The following RIGI variants were observed in gnomAD, a reference collection of about 807,000 sequenced individuals.
RIGI encodes the protein RNA sensor RIG-I.
the RIGI span, chr9:32,501,061 T>C: frequency 2.7e-5 from 34 of 1,236,490 alleles, no homozygotes; most frequent in Admixed American, 7.7e-4. Flanking sequence ...GTCACAGCAT[T>C]GGAAGAATCT....
the RIGI span, among the ~76,000 whole-genome samples, chr9:32,459,797 C>A: frequency 1.3e-5 from 2 of 152,114 alleles, no homozygotes; most frequent in Non-Finnish European, 2.9e-5. Flanking sequence ...GTCATATGAA[C>A]TATGCTTTCT....
the RIGI span, among the ~76,000 whole-genome samples, chr9:32,507,719 C>G: frequency 1.3e-5 from 2 of 151,816 alleles, no homozygotes; most frequent in Non-Finnish European, 2.9e-5. Context: ...GATCATAGCT[C>G]ACCATAGGCT....
At chr9:32,489,239 G>C in the RIGI span, 3 of 705,302 alleles carry the variant, frequency 4.3e-6, no homozygotes, top group Non-Finnish European at 6.9e-6. Flanking sequence ...AAAGACACAT[G>C]GAACAAGGAA....
the RIGI span, among the ~76,000 whole-genome samples, chr9:32,483,761 C>G: frequency 6.6e-6 from 1 of 151,862 alleles, no homozygotes; most frequent in African/African-American, 2.4e-5. Flanking sequence ...CCTCTGCTTG[C>G]TTTTGCTTCT....
the RIGI span, among the ~76,000 whole-genome samples, chr9:32,473,426 A>G: frequency 0.024 from 3,572 of 151,308 alleles, 155 homozygotes; most frequent in African/African-American, 0.083. Flanking sequence ...AGCTGGGATT[A>G]CAGGCATCAG....
chr9:32,458,287 A>T, the RIGI span, among the ~76,000 whole-genome samples: 30 of 152,346 alleles, frequency 2.0e-4, no homozygotes, highest in African/African-American at 6.5e-4. Context: ...CAGATGTCAC[A>T]TTTTACAAAT....
the RIGI span, among the ~76,000 whole-genome samples, chr9:32,471,916 A>T: frequency 6.6e-6 from 1 of 152,124 alleles, no homozygotes; most frequent in Admixed American, 6.5e-5. Context: ...ACATGAAGGG[A>T]AAGTGCGAGG....
chr9:32,500,760 G>C, the RIGI span: 1 of 1,588,842 alleles, frequency 6.3e-7, no homozygotes, highest in Non-Finnish European at 8.6e-7. Context: ...TTGTCAAGCA[G>C]CAAAGTAATA....
the RIGI span, chr9:32,493,942 C>T: frequency 6.4e-7 from 1 of 1,573,116 alleles, no homozygotes; most frequent in East Asian, 2.3e-5. Flanking sequence ...TCCAGAATAA[C>T]CTGAAAAAAA....
the RIGI span, among the ~76,000 whole-genome samples, chr9:32,517,605 T>G: frequency 2.0e-5 from 3 of 152,236 alleles, no homozygotes; most frequent in African/African-American, 7.2e-5. Context: ...GCTTTATATT[T>G]GTCTCAGCTA....
At chr9:32,508,535 G>C in the RIGI span, among the ~76,000 whole-genome samples, 1 of 151,974 alleles carries the variant, frequency 6.6e-6, no homozygotes, top group African/African-American at 2.4e-5. Flanking sequence ...AAGCCATGAG[G>C]GACTGTGCCA....
the RIGI span, among the ~76,000 whole-genome samples, chr9:32,469,300 A>G: frequency 1.3e-5 from 2 of 152,122 alleles, no homozygotes; most frequent in African/African-American, 4.8e-5. Flanking sequence ...ATTAGATTAC[A>G]CTGATTTATA....
At chr9:32,501,290 G>C in the RIGI span, among the ~76,000 whole-genome samples, 1 of 146,232 alleles carries the variant, frequency 6.8e-6, no homozygotes, top group Non-Finnish European at 1.5e-5. Context: ...CAAAGTACTG[G>C]GATTACAGGT....
the RIGI span, among the ~76,000 whole-genome samples, chr9:32,499,122 T>C: frequency 1.1e-4 from 17 of 152,126 alleles, no homozygotes; most frequent in African/African-American, 3.9e-4. Context: ...AAATTCCTAA[T>C]TGGGCTGAGA....
At chr9:32,498,902 G>A in the RIGI span, among the ~76,000 whole-genome samples, 159 of 147,838 alleles carry the variant, frequency 1.1e-3, 1 homozygote, top group African/African-American at 3.8e-3. Flanking sequence ...AAAATAGCTC[G>A]AACCCGGGAG....
chr9:32,485,531 C>CTTTT, the RIGI span: 5,603 of 321,840 alleles, frequency 0.017, 3 homozygotes, highest in East Asian at 0.024. Context: ...TAACTAGCTT[C>CTTTT]TTTTTTTTTT....
At chr9:32,488,237 A>G in the RIGI span, 1 of 1,603,018 alleles carries the variant, frequency 6.2e-7, no homozygotes, top group Non-Finnish European at 8.5e-7. Flanking sequence ...ATTACTAACC[A>G]CGATGTGGAT....
chr9:32,488,359 G>C, the RIGI span, among the ~76,000 whole-genome samples: 2 of 152,174 alleles, frequency 1.3e-5, no homozygotes, highest in Admixed American at 1.3e-4. Context: ...CTGACACATA[G>C]TAAGAGATCA....
chr9:32,480,233 GT>G, the RIGI span: 1 of 1,601,460 alleles, frequency 6.2e-7, no homozygotes, highest in Non-Finnish European at 8.5e-7. Flanking sequence ...AAATCTCTGA[GT>G]AAGATCTTGC....
Sources: allele counts gnomAD v4.1 joint callset (sites outside exome capture counted in the v4.1 genomes callset), GRCh38; gene constraint gnomAD v4.1.1; transcripts MANE v1.5; gene names NCBI Gene and HGNC (gene_info 2026-07-23, HGNC 2026-07-21).